Variants in SPDEF observed in about 807,000 individuals in gnomAD.
SPDEF encodes the protein SAM pointed domain-containing Ets transcription factor.
In SPDEF, 12 loss-of-function variants were observed where a neutral mutation model predicts 36.0. The ratio of observed to expected loss-of-function variants is 0.33; its 90% confidence interval spans 0.21 to 0.54. The LOEUF (loss-of-function observed/expected upper bound fraction) is 0.54, where lower values mean the gene tolerates loss of function less well. Among genes scored for constraint, SPDEF ranks in the 20% least tolerant of loss-of-function variants. The pLI is 0.93. For missense variants in SPDEF, 388 were observed against 456.9 expected (o/e 0.85, Z 1.37); for synonymous variants, 205 against 193.0 (o/e 1.06, Z -0.51).
In SPDEF at chr6:34,538,170, C is replaced by T; in HGVS notation, c.*104G>A. 1 of 1,297,464 alleles carries T rather than the reference C, an allele frequency of 7.7e-7. No individual in the cohort carries two copies. Among genetic ancestry groups the T allele is most frequent in the Non-Finnish European group, 1.1e-6 (1 of 930,214 alleles). 80.4% of individuals were successfully genotyped at this position (1,297,464 alleles called of 1,614,324 possible). On this transcript the variant is annotated 3_prime_UTR_variant, in exon 6 of 6. Coordinates refer to ENST00000374037, the MANE Select transcript of SPDEF (RefSeq NM_012391.3). The surrounding 1 kb of genome is among the most constrained non-coding windows in gnomAD (Gnocchi z 5.9). ...GACCTTGGGCTCTGGAAGGTCAGAG[C>T]AGCAGAGCAGACTGCCCGTTTTCCC... is the stretch of plus-strand genomic sequence containing the variant.
chr6:34,549,466 G>A (rs1475080456), intron 1 of SPDEF, among the ~76,000 whole-genome samples: 2 of 152,226 alleles, frequency 1.3e-5, no homozygotes, highest in East Asian at 3.9e-4. Context: ...CTAGAAATGT[G>A]CCCCTTGAAC....
At position 34,541,043 on chromosome 6, in the gene SPDEF, C is replaced by A. The variant is rs745312927; in HGVS notation, c.575G>T (p.Arg192Leu). 6.2e-7 allele frequency: 1 copy of A among 1,612,494 alleles called. No individual in the cohort carries two copies. Among genetic ancestry groups the A allele is most frequent in the Non-Finnish European group, 8.5e-7 (1 of 1,179,872 alleles). ...ATCCCCACCCAGGGGCGAGCGCTGG[C>A]GGAACTGCTCCTCCGACATGGCGCA... ...ELCAMSEEQFRQRSPLGGDVL... is the reference protein window; with the variant it reads ...ELCAMSEEQFLQRSPLGGDVL... Residue 192 changes from arginine to leucine, a missense_variant, in exon 3 of 6, where the codon CGC becomes CTC. By Grantham distance (102) the Arg-to-Leu change is moderately radical. This residue lies in a region of SPDEF where 308 missense variants were observed against 326.1 expected (regional missense o/e 0.94). Transcript: ENST00000374037.
intron 1 of SPDEF, among the ~76,000 whole-genome samples, chr6:34,547,887 T>G (rs1283158503): frequency 6.6e-6 from 1 of 152,192 alleles, no homozygotes; most frequent in Non-Finnish European, 1.5e-5. Context: ...AGTTAATGGT[T>G]AACTGTGTGG....
rs927136356 is a variant in SPDEF at position 34,539,160 on chromosome 6, C to T, written c.829+90G>A. On this transcript the variant is annotated intron_variant, in intron 5 of 5. Transcript: ENST00000374037. This position sits in a 1 kb window ranked among gnomAD's most constrained non-coding sequence, Gnocchi z 5.2. ...TGGGGATCAGCTTCACCCCTCTGCC[C>T]GCCCCTGCCCCCATGCACCGTGCCT... 2.6e-5 allele frequency: 39 copies of T among 1,474,202 alleles called. No individual in the cohort carries two copies. The highest frequency in any genetic ancestry group is 3.4e-5 in the Non-Finnish European group (37 of 1,080,988). The allele number at this position is 1,474,202 out of a possible 1,614,324, so 91.3% of individuals were successfully genotyped here.
chr6:34,544,497 A>T lies in SPDEF; in HGVS notation c.-29-13T>A. 6.7e-7 allele frequency: 1 copy of T among 1,489,738 alleles called. No homozygotes were observed. Among genetic ancestry groups the T allele is most frequent in the Non-Finnish European group, 8.9e-7 (1 of 1,122,316 alleles). 92.3% of individuals were successfully genotyped at this position (1,489,738 alleles called of 1,614,324 possible). On this transcript the variant is annotated splice_polypyrimidine_tract_variant and intron_variant, in intron 1 of 5. Transcript: ENST00000374037. This position sits in a 1 kb window ranked among gnomAD's most constrained non-coding sequence, Gnocchi z 4.4. ...CTGGCGGCTGTGTCTACGGAAATGA[A>T]AGAGGACTCAGGTTTGACTGCTTCT...
At position 34,539,541 on chromosome 6, in the gene SPDEF, G is replaced by A; in HGVS notation, c.656C>T (p.Thr219Ile). Residue 219 changes from threonine to isoleucine, a missense_variant, in exon 4 of 6, where the codon ACT becomes ATT. By Grantham distance (89) the Thr-to-Ile change is moderately conservative. Around this residue, in one of 2 missense-constraint regions of SPDEF, gnomAD observed 308 missense variants for 326.1 expected, o/e 0.94. Coordinates refer to ENST00000374037, the MANE Select transcript of SPDEF (RefSeq NM_012391.3). This position sits in a 1 kb window ranked among gnomAD's most constrained non-coding sequence, Gnocchi z 5.2. ...WKSAAWMKER[T>I]SPGAIHYCAS... ...ACAGTAGTGAATCGCCCCAGGTGAA[G>A]TCCGCTCTTTCATCCAGGCCGCTGC... The A allele has an allele frequency of 6.4e-7, 1 of 1,573,544 alleles. No homozygotes were observed. Among genetic ancestry groups the A allele is most frequent in the Non-Finnish European group, 8.6e-7 (1 of 1,160,198 alleles).
At chr6:34,549,575 A>G (rs1443972287) in intron 1 of SPDEF, among the ~76,000 whole-genome samples, 1 of 152,166 alleles carries the variant, frequency 6.6e-6, no homozygotes, top group Non-Finnish European at 1.5e-5. Flanking sequence ...GAATGGAGTC[A>G]CCTGGGAGGC....
intron 2 of SPDEF, among the ~76,000 whole-genome samples, chr6:34,543,374 G>A (rs1285139666): frequency 6.6e-6 from 1 of 152,154 alleles, no homozygotes; most frequent in Non-Finnish European, 1.5e-5. Flanking sequence ...TCTAGTGGAG[G>A]ACACAGAGAG....
At position 34,538,236 on chromosome 6, in the gene SPDEF, G is replaced by C. The variant is rs748031393; in HGVS notation, c.*38C>G. The C allele has an allele frequency of 6.3e-6, 10 of 1,591,850 alleles. No homozygotes were observed. Among genetic ancestry groups the C allele is most frequent in the Middle Eastern group, 3.3e-4 (2 of 5,988 alleles). On this transcript the variant is annotated 3_prime_UTR_variant, in exon 6 of 6. Transcript: ENST00000374037. This position sits in a 1 kb window ranked among gnomAD's most constrained non-coding sequence, Gnocchi z 5.9. ...GCTGAGGCAGGGCAGGCAGGAGAGAGGCCCCTGAGGGCGGGTTTCAGGCCC... is the reference window on the plus strand; with the variant it reads ...GCTGAGGCAGGGCAGGCAGGAGAGACGCCCCTGAGGGCGGGTTTCAGGCCC...
intron 1 of SPDEF, among the ~76,000 whole-genome samples, chr6:34,546,992 A>AC (rs564745272): frequency 0.034 from 3,431 of 100,894 alleles, 50 homozygotes; most frequent in East Asian, 0.12. Flanking sequence ...ACCCCTGGGG[A>AC]CCCCCCCCCG....
At position 34,538,025 on chromosome 6, in the gene SPDEF, C is replaced by T; in HGVS notation, c.*249G>A. ...GTCAGAGGCAGGTGTTGGGGAGCAG[C>T]CCTGTCTCCCTCTGTCCTCCAGGGG... On this transcript the variant is annotated 3_prime_UTR_variant, in exon 6 of 6. Transcript: ENST00000374037. The surrounding 1 kb of genome is among the most constrained non-coding windows in gnomAD (Gnocchi z 5.9). The T allele has an allele frequency of 2.1e-6, 1 of 472,796 alleles. No individual in the cohort carries two copies. Among genetic ancestry groups the T allele is most frequent in the Non-Finnish European group, 3.8e-6 (1 of 262,056 alleles). 29.3% of individuals were successfully genotyped at this position (472,796 alleles called of 1,614,324 possible). A position where few individuals can be genotyped will look rare whatever the true frequency, so the allele number is the denominator to read the frequency against.
rs1581995528 is a variant in SPDEF at position 34,539,655 on chromosome 6, C to G, written c.635-93G>C. 3 of 1,422,888 alleles carry G rather than the reference C, an allele frequency of 2.1e-6. No homozygotes were observed. The highest frequency in any genetic ancestry group is 2.9e-6 in the Non-Finnish European group (3 of 1,033,134). 88.1% of individuals were successfully genotyped at this position (1,422,888 alleles called of 1,614,324 possible). ...GGGTGGGACTGTGGGGCCACAGGAG[C>G]CCCTCTGTGGCTGGGGGTTGCCCCT... On this transcript the variant is annotated intron_variant, in intron 3 of 5. Transcript: ENST00000374037. This position sits in a 1 kb window ranked among gnomAD's most constrained non-coding sequence, Gnocchi z 5.2.
chr6:34,542,859 A>G (rs1411242897), intron 2 of SPDEF, among the ~76,000 whole-genome samples: 1 of 139,502 alleles, frequency 7.2e-6, no homozygotes, highest in Non-Finnish European at 1.5e-5. Context: ...ACTGCACTCC[A>G]GCCTCAGTGA....
Position 34,538,132 on chromosome 6 carries a change from G to T in SPDEF, c.*142C>A. 1.1e-6 allele frequency: 1 copy of T among 902,840 alleles called. No individual in the cohort carries two copies. The highest frequency in any genetic ancestry group is 1.7e-6 in the Non-Finnish European group (1 of 604,998). 55.9% of individuals were successfully genotyped at this position (902,840 alleles called of 1,614,324 possible). A position where few individuals can be genotyped will look rare whatever the true frequency, so the allele number is the denominator to read the frequency against. ...GACCCATATCCCCCTGGGGCAGTTG[G>T]TTGCCCCTCCCTGACCTTGGGCTCT... On this transcript the variant is annotated 3_prime_UTR_variant, in exon 6 of 6. Transcript: ENST00000374037. This position sits in a 1 kb window ranked among gnomAD's most constrained non-coding sequence, Gnocchi z 5.9.
intron 1 of SPDEF, among the ~76,000 whole-genome samples, chr6:34,549,262 T>C (rs903501297): frequency 2.0e-5 from 3 of 152,148 alleles, no homozygotes; most frequent in Admixed American, 6.5e-5. Flanking sequence ...TAACAGCTGG[T>C]GGAGGCCAAG....
chr6:34,550,413 G>A (rs1266704770), intron 1 of SPDEF, among the ~76,000 whole-genome samples: 5 of 152,058 alleles, frequency 3.3e-5, no homozygotes, highest in South Asian at 2.1e-4. Flanking sequence ...CTGCCACCTC[G>A]GGCCAGCAGC....
intron 2 of SPDEF, among the ~76,000 whole-genome samples, chr6:34,541,744 G>A (rs1485859555): frequency 6.6e-6 from 1 of 152,250 alleles, no homozygotes; most frequent in Non-Finnish European, 1.5e-5. Context: ...AGGCACATGT[G>A]TTGAATAAGT....
intron 1 of SPDEF, among the ~76,000 whole-genome samples, chr6:34,545,587 C>T (rs1038816605): frequency 6.6e-6 from 1 of 152,244 alleles, no homozygotes; most frequent in Non-Finnish European, 1.5e-5. Flanking sequence ...TCTGGGATGG[C>T]AGTGATGTGG....
rs1438153610 is a variant in SPDEF at position 34,544,481 on chromosome 6, G to T, written c.-26C>A. The T allele has an allele frequency of 6.6e-7, 1 of 1,512,248 alleles. No individual in the cohort carries two copies. Among genetic ancestry groups the T allele is most frequent in the African/African-American group, 1.4e-5 (1 of 72,230 alleles). The allele number at this position is 1,512,248 out of a possible 1,614,324, so 93.7% of individuals were successfully genotyped here. ...GCCGCTGCTGTTTGGGCTGGCGGCT[G>T]TGTCTACGGAAATGAAAGAGGACTC... On this transcript the variant is annotated 5_prime_UTR_variant, in exon 2 of 6. Transcript: ENST00000374037. The surrounding 1 kb of genome is among the most constrained non-coding windows in gnomAD (Gnocchi z 4.4).
Sources: gnomAD v4.1 joint callset for allele counts (sites outside exome capture counted in the v4.1 genomes callset) on GRCh38, gnomAD v4.1.1 for gene constraint, gnomAD v4.1.1 regional missense constraint, Gnocchi (gnomAD v3.1) non-coding constraint, MANE v1.5 for transcripts, NCBI Gene and HGNC (gene_info 2026-07-23, HGNC 2026-07-21) for gene names.